The following NRG3 variants were observed in gnomAD, a reference collection of about 807,000 sequenced individuals.
NRG3 encodes pro-neuregulin-3, membrane-bound isoform.
NRG3 carries 31 observed loss-of-function variants against 66.9 expected under a neutral mutation model. The observed-to-expected ratio is 0.46, with a 90% confidence interval of 0.35 to 0.63. NRG3 has a LOEUF of 0.63. Ranked by LOEUF, NRG3 falls within the 20% of genes least tolerant of loss-of-function variation. The pLI, the probability that NRG3 is intolerant of heterozygous loss-of-function variation, is 0.00. For synonymous variants in NRG3, 393 were observed against 359.4 expected (o/e 1.09, Z -1.06); for missense variants, 910 against 878.9 (o/e 1.04, Z -0.45).
At chr10:82,778,771 C>T (rs1279964452) in intron 3 of NRG3, among the ~76,000 whole-genome samples, 1 of 152,120 alleles carries the variant, frequency 6.6e-6, no homozygotes, top group Non-Finnish European at 1.5e-5. Context: ...TGAGGTTACA[C>T]TGCTCTGTGG....
At chr10:82,384,455 A>G (rs1258642234) in intron 2 of NRG3, among the ~76,000 whole-genome samples, 2 of 151,974 alleles carry the variant, frequency 1.3e-5, no homozygotes, top group Non-Finnish European at 2.9e-5. Context: ...GACAGGCCCA[A>G]GTGTGTGTTA....
intron 2 of NRG3, among the ~76,000 whole-genome samples, chr10:82,605,968 T>G (rs1294112023): frequency 6.6e-6 from 1 of 152,110 alleles, no homozygotes; most frequent in Non-Finnish European, 1.5e-5. Flanking sequence ...ATTTATCACT[T>G]TTATGAGGTT....
At chr10:82,753,407 G>T (rs1591413755) in intron 3 of NRG3, among the ~76,000 whole-genome samples, 1 of 152,054 alleles carries the variant, frequency 6.6e-6, no homozygotes, top group East Asian at 1.9e-4. Context: ...CTTTGATTAT[G>T]ACATGAGATT....
chr10:82,074,601 G>A (rs1590009897), intron 1 of NRG3, among the ~76,000 whole-genome samples: 1 of 152,144 alleles, frequency 6.6e-6, no homozygotes, highest in Non-Finnish European at 1.5e-5. Flanking sequence ...AGGCCCAGGT[G>A]GGAGGAACTC....
At chr10:82,833,551 A>G (rs1016589386) in intron 3 of NRG3, among the ~76,000 whole-genome samples, 3 of 152,106 alleles carry the variant, frequency 2.0e-5, no homozygotes, top group Non-Finnish European at 2.9e-5. Context: ...ATTCTACTTG[A>G]TGGAATCCAT....
intron 4 of NRG3, among the ~76,000 whole-genome samples, chr10:82,919,970 G>T (rs1201420135): frequency 1.3e-5 from 2 of 151,610 alleles, no homozygotes; most frequent in African/African-American, 4.8e-5. Context: ...GATTAGAACA[G>T]AAAAATAAAA....
At chr10:82,514,833 G>A (rs1421950958) in intron 2 of NRG3, among the ~76,000 whole-genome samples, 4 of 152,022 alleles carry the variant, frequency 2.6e-5, no homozygotes. Flanking sequence ...CAAGGATATG[G>A]CACAAATTGT....
At chr10:82,294,061 G>A (rs2134647322) in intron 1 of NRG3, among the ~76,000 whole-genome samples, 1 of 152,118 alleles carries the variant, frequency 6.6e-6, no homozygotes, top group South Asian at 2.1e-4. Flanking sequence ...TCTCACCAAG[G>A]ATGAGAAGTA....
intron 4 of NRG3, among the ~76,000 whole-genome samples, chr10:82,912,789 G>GT (rs1358305488): frequency 6.6e-6 from 1 of 151,846 alleles, no homozygotes; most frequent in Admixed American, 6.6e-5. Context: ...TTATATGATG[G>GT]TATTTTATCT....
intron 3 of NRG3, among the ~76,000 whole-genome samples, chr10:82,754,720 T>A (rs758718696): frequency 2.0e-5 from 3 of 152,132 alleles, no homozygotes; most frequent in Non-Finnish European, 4.4e-5. Flanking sequence ...GTAGCTTTAT[T>A]TGACTCCTAA....
chr10:82,573,341 T>G (rs894709292), intron 2 of NRG3, among the ~76,000 whole-genome samples: 4 of 151,880 alleles, frequency 2.6e-5, no homozygotes, highest in Non-Finnish European at 5.9e-5. Context: ...TTTCAAAGTT[T>G]ACTTCAGATA....
At chr10:82,030,224 TCTTA>T (rs879369614) in intron 1 of NRG3, among the ~76,000 whole-genome samples, 5 of 152,074 alleles carry the variant, frequency 3.3e-5, no homozygotes, top group Admixed American at 6.6e-5. Flanking sequence ...CAGGAGAGAT[TCTTA>T]CTTAATGAGA....
chr10:82,414,229 A>G (rs2088352704), intron 2 of NRG3, among the ~76,000 whole-genome samples: 1 of 152,104 alleles, frequency 6.6e-6, no homozygotes, highest in South Asian at 2.1e-4. Context: ...GGCGGTTGTA[A>G]GTTTATTAAT....
At chr10:81,923,332 A>T (rs1456198094) in intron 1 of NRG3, among the ~76,000 whole-genome samples, 1 of 151,828 alleles carries the variant, frequency 6.6e-6, no homozygotes, top group East Asian at 1.9e-4. Flanking sequence ...CAGCCTCCCG[A>T]GTAGCTGGGA....
chr10:82,980,483 A>G (rs2132660995), intron 8 of NRG3, among the ~76,000 whole-genome samples: 1 of 152,306 alleles, frequency 6.6e-6, no homozygotes, highest in South Asian at 2.1e-4. Flanking sequence ...GAACGAGCCA[A>G]GCCAGGTTTC....
At chr10:82,497,517 T>C (rs1203047282) in intron 2 of NRG3, among the ~76,000 whole-genome samples, 4 of 152,150 alleles carry the variant, frequency 2.6e-5, no homozygotes, top group Admixed American at 6.6e-5. Flanking sequence ...TCCTCCAAGG[T>C]CATCCATATT....
chr10:82,062,305 A>T (rs554360034), intron 1 of NRG3, among the ~76,000 whole-genome samples: 3 of 152,168 alleles, frequency 2.0e-5, no homozygotes, highest in African/African-American at 7.2e-5. Flanking sequence ...AACAAATAGA[A>T]GTTCTAAGAA....
intron 3 of NRG3, among the ~76,000 whole-genome samples, chr10:82,759,875 G>A (rs1420048500): frequency 6.6e-6 from 1 of 152,036 alleles, no homozygotes; most frequent in Non-Finnish European, 1.5e-5. Flanking sequence ...AGAAACAGCG[G>A]AAGGAAGGAT....
At chr10:82,474,997 GAAAA>G (rs1199554705) in intron 2 of NRG3, among the ~76,000 whole-genome samples, 2 of 150,902 alleles carry the variant, frequency 1.3e-5, no homozygotes, top group East Asian at 3.9e-4. Context: ...AAAAAAGGAA[GAAAA>G]AAAACTTATC....
Sources: allele counts gnomAD v4.1 joint callset (sites outside exome capture counted in the v4.1 genomes callset), GRCh38; gene constraint gnomAD v4.1.1; transcripts MANE v1.5; gene names NCBI Gene and HGNC (gene_info 2026-07-23, HGNC 2026-07-21).